PIK3C2G: variants seen among roughly 807,000 people sequenced by gnomAD.
PIK3C2G encodes the protein phosphatidylinositol 3-kinase C2 domain-containing subunit gamma.
A neutral mutation model predicts 181.1 loss-of-function variants in PIK3C2G; 168 were observed. The observed-to-expected ratio is 0.93, with a 90% CI of 0.82 to 1.05. The LOEUF (loss-of-function observed/expected upper bound fraction) is 1.05, where lower values mean the gene tolerates loss of function less well. Ranked by LOEUF, PIK3C2G falls within the 50% of genes least tolerant of loss-of-function variation. PIK3C2G has a pLI of 0.00. For synonymous variants in PIK3C2G, 573 were observed against 592.2 expected (o/e 0.97, Z 0.47); for missense variants, 1,869 against 1,732.8 (o/e 1.08, Z -1.40).
At chr12:18,586,483 G>GGA (rs1946785511) in intron 29 of PIK3C2G, among the ~76,000 whole-genome samples, 1 of 151,946 alleles carries the variant, frequency 6.6e-6, no homozygotes, top group Non-Finnish European at 1.5e-5. Context: ...TGAAAGGGAT[G>GGA]GATAAATTCC....
intron 30 of PIK3C2G, among the ~76,000 whole-genome samples, chr12:18,605,893 T>A (rs1273302036): frequency 6.6e-6 from 1 of 152,142 alleles, no homozygotes. Flanking sequence ...CCTGCACCGT[T>A]TATTGTCTCT....
At chr12:18,280,710 T>C (rs1158045684) in intron 1 of PIK3C2G, among the ~76,000 whole-genome samples, 1 of 151,998 alleles carries the variant, frequency 6.6e-6, no homozygotes. Context: ...AGATATTTGG[T>C]TAGTGTCTTA....
intron 1 of PIK3C2G, among the ~76,000 whole-genome samples, chr12:18,271,734 G>A (rs192017804): frequency 5.3e-4 from 81 of 151,842 alleles, no homozygotes; most frequent in Middle Eastern, 3.4e-3. Flanking sequence ...TCTCTTAACC[G>A]TCTTTAAAAA....
chr12:18,684,409 G>T, the PIK3C2G span: 1 of 789,340 alleles, frequency 1.3e-6, no homozygotes, highest in Non-Finnish European at 2.0e-6. Context: ...GAGCACATAG[G>T]TTTTTAATAT....
chr12:18,489,899 C>T (rs960934544), intron 19 of PIK3C2G, among the ~76,000 whole-genome samples: 1 of 152,076 alleles, frequency 6.6e-6, no homozygotes, highest in African/African-American at 2.4e-5. Context: ...GTGATATTGA[C>T]ATTATTCACT....
chr12:18,701,828 T>C, the PIK3C2G span: 23 of 1,553,744 alleles, frequency 1.5e-5, no homozygotes, highest in East Asian at 5.3e-4. Context: ...TAAATTTGCA[T>C]TGTAACAGTC....
chr12:18,469,410 C>T (rs1938233195), intron 18 of PIK3C2G, among the ~76,000 whole-genome samples: 1 of 152,074 alleles, frequency 6.6e-6, no homozygotes, highest in East Asian at 1.9e-4. Flanking sequence ...CTTGGAAATA[C>T]TTTTATAAAC....
chr12:18,474,205 G>GC (rs1938742512), intron 18 of PIK3C2G, among the ~76,000 whole-genome samples: 1 of 152,058 alleles, frequency 6.6e-6, no homozygotes, highest in Non-Finnish European at 1.5e-5. Flanking sequence ...AGCTACTATT[G>GC]AGATTCAGAG....
intron 26 of PIK3C2G, among the ~76,000 whole-genome samples, chr12:18,561,526 A>G (rs913868904): frequency 2.0e-5 from 3 of 152,214 alleles, no homozygotes; most frequent in Non-Finnish European, 2.9e-5. Flanking sequence ...AATTAAAAGT[A>G]GAATAAGCAT....
At chr12:18,364,489 GA>G (rs1215559729) in intron 12 of PIK3C2G, among the ~76,000 whole-genome samples, 2 of 152,012 alleles carry the variant, frequency 1.3e-5, no homozygotes, top group African/African-American at 2.4e-5. Flanking sequence ...ATAATACAAA[GA>G]TTTTTTTTTT....
At chr12:18,248,002 C>T (rs563704911) in exon 1 of PIK3C2G, 1 of 152,084 alleles carries the variant, frequency 6.6e-6, no homozygotes, top group African/African-American at 2.4e-5. Flanking sequence ...AAACTAACTA[C>T]CTGGATTGTA....
chr12:18,562,943 A>C, intron 27 of PIK3C2G, 51 bp downstream of exon 27: 474 of 1,186,862 alleles, frequency 4.0e-4, no homozygotes, highest in Non-Finnish European at 5.3e-4. Context: ...ACTTTATCTC[A>C]GACTTCTCTT....
In PIK3C2G at chr12:18,593,207, C is replaced by T. The variant is rs546303825; in HGVS notation, c.4012-1287C>T. Among the ~76,000 whole-genome samples the T allele has an allele frequency of 1.1e-4, 17 of 152,022 alleles. No individual in the cohort carries two copies. The South Asian group carries it at 3.3e-3, about 30-fold the overall frequency. On this transcript the variant is annotated intron_variant, in intron 29 of 32. Transcript: ENST00000538779. ...ATCCTAAGTTAGCTAATTACATCAG[C>T]AATGACCTTATTTCCAAATAATATC...
chr12:18,504,932 G>C (rs1406056870), intron 23 of PIK3C2G, among the ~76,000 whole-genome samples: 1 of 151,890 alleles, frequency 6.6e-6, no homozygotes, highest in Non-Finnish European at 1.5e-5. Flanking sequence ...GGGGCGTATT[G>C]TTCCTCCTTT....
chr12:18,511,955 T>C (rs901688634), intron 24 of PIK3C2G, among the ~76,000 whole-genome samples: 2 of 152,070 alleles, frequency 1.3e-5, no homozygotes. Context: ...TCAAGTCTTA[T>C]ATTTAAGTAA....
At position 18,295,202 on chromosome 12, in the gene PIK3C2G, C is replaced by G. The variant is rs150719997; in HGVS notation, c.1034+1187C>G. On this transcript the variant is annotated intron_variant, in intron 5 of 32. Coordinates refer to ENST00000538779, the MANE Select transcript of PIK3C2G (RefSeq NM_001288772.2). Reference sequence around the variant, plus strand: ...GTTGCACTAAGCTCACAGATATTCCCTTTTCCCTTTTTATTTGAACTTATT... The same window carrying G: ...GTTGCACTAAGCTCACAGATATTCCGTTTTCCCTTTTTATTTGAACTTATT... Among the ~76,000 whole-genome samples, 719 of 151,484 alleles carry G rather than the reference C, an allele frequency of 4.7e-3. 6 individuals are homozygous for G. The highest frequency in any genetic ancestry group is 0.017 in the African/African-American group (700 of 41,396).
intron 5 of PIK3C2G, among the ~76,000 whole-genome samples, chr12:18,304,686 T>C (rs1328769828): frequency 2.0e-5 from 3 of 152,248 alleles, no homozygotes; most frequent in Non-Finnish European, 4.4e-5. Context: ...TTTTAAGTAA[T>C]AGATTACATT....
At chr12:18,386,101 T>C (rs1041474544) in intron 14 of PIK3C2G, among the ~76,000 whole-genome samples, 9 of 152,060 alleles carry the variant, frequency 5.9e-5, no homozygotes, top group Admixed American at 5.9e-4. Context: ...CCTCCTCCTC[T>C]GGCTTTGGTG....
At chr12:18,589,700 G>A (rs1156341391) in intron 29 of PIK3C2G, among the ~76,000 whole-genome samples, 2 of 151,958 alleles carry the variant, frequency 1.3e-5, no homozygotes, top group Non-Finnish European at 2.9e-5. Flanking sequence ...GACTTAAAGG[G>A]GAAGAAGAAT....
Sources: allele counts gnomAD v4.1 joint callset (sites outside exome capture counted in the v4.1 genomes callset), GRCh38; gene constraint gnomAD v4.1.1; transcripts MANE v1.5; gene names NCBI Gene and HGNC (gene_info 2026-07-23, HGNC 2026-07-21).